The following DLGAP2 variants were observed in gnomAD, a reference collection of about 807,000 sequenced individuals.
DLGAP2 encodes the protein disks large-associated protein 2.
DLGAP2 carries 26 observed loss-of-function variants against 100.3 expected under a neutral mutation model. That is an observed-to-expected ratio of 0.26 (90% CI 0.19 to 0.36). DLGAP2 has a LOEUF of 0.36. Among genes scored for constraint, DLGAP2 ranks in the 10% least tolerant of loss-of-function variants. The pLI is 1.00. For synonymous variants in DLGAP2, 886 were observed against 630.1 expected, an observed-to-expected ratio of 1.41 and a Z score of -6.08; for missense variants, 1,858 against 1,453.2, an observed-to-expected ratio of 1.28 and a Z score of -4.53.
At chr8:1,224,867 T>A (rs1020649749) in intron 2 of DLGAP2, among the ~76,000 whole-genome samples, 1 of 152,076 alleles carries the variant, frequency 6.6e-6, no homozygotes, top group Non-Finnish European at 1.5e-5. Flanking sequence ...GAGATGCGAG[T>A]CAAAACCGCA....
intron 2 of DLGAP2, chr8:1,018,755 C>T (rs1430626182): frequency 6.6e-6 from 1 of 152,226 alleles, no homozygotes; most frequent in African/African-American, 2.4e-5. Context: ...AAAGGAAACA[C>T]ATTTCAGCAG....
chr8:1,695,887 C>T (rs1799385166), intron 13 of DLGAP2, among the ~76,000 whole-genome samples: 1 of 152,238 alleles, frequency 6.6e-6, no homozygotes, highest in Non-Finnish European at 1.5e-5. Flanking sequence ...GTTCGGGCTC[C>T]CAGCCGCTGG....
intron 2 of DLGAP2, among the ~76,000 whole-genome samples, chr8:934,644 G>C (rs1430445709): frequency 6.6e-6 from 1 of 152,124 alleles, no homozygotes; most frequent in African/African-American, 2.4e-5. Flanking sequence ...GGTGGAGGCA[G>C]AGCGGGCACT....
intron 3 of DLGAP2, among the ~76,000 whole-genome samples, chr8:1,491,037 T>A (rs1210424527): frequency 1.2e-4 from 4 of 32,476 alleles, no homozygotes; most frequent in East Asian, 7.6e-4. Flanking sequence ...TAATAAAATT[T>A]AAAAAAATAA....
intron 2 of DLGAP2, among the ~76,000 whole-genome samples, chr8:1,081,854 A>G (rs1356987074): frequency 6.6e-6 from 1 of 152,210 alleles, no homozygotes; most frequent in Non-Finnish European, 1.5e-5. Context: ...TCAAGCAGGC[A>G]TATTCCATCT....
intron 1 of DLGAP2, among the ~76,000 whole-genome samples, chr8:825,276 T>C (rs1473715106): frequency 6.6e-6 from 1 of 152,200 alleles, no homozygotes. Flanking sequence ...GGTTGTGCTG[T>C]TAGATTCTAC....
intron 3 of DLGAP2, among the ~76,000 whole-genome samples, chr8:1,268,429 G>A (rs913059782): frequency 1.3e-5 from 2 of 152,124 alleles, no homozygotes; most frequent in Admixed American, 6.5e-5. Context: ...TTGCAATATT[G>A]AAATAATTGG....
At chr8:842,710 T>G (rs1180050404) in intron 1 of DLGAP2, among the ~76,000 whole-genome samples, 1 of 152,240 alleles carries the variant, frequency 6.6e-6, no homozygotes, top group East Asian at 1.9e-4. Flanking sequence ...TGTCTAATAT[T>G]TGCAACTTCA....
At chr8:1,674,500 C>G (rs1798764442) in intron 10 of DLGAP2, among the ~76,000 whole-genome samples, 1 of 152,186 alleles carries the variant, frequency 6.6e-6, no homozygotes, top group African/African-American at 2.4e-5. Flanking sequence ...ATTTAAGGTC[C>G]TTTGTTTAGG....
In DLGAP2 at chr8:1,628,379, A is replaced by C. The variant is rs187442369; in HGVS notation, c.1590+1492A>C. Among the ~76,000 whole-genome samples, 98 of 139,792 alleles carry C rather than the reference A, an allele frequency of 7.0e-4. 1 individual carries two copies. Among genetic ancestry groups the C allele is most frequent in the African/African-American group, 2.7e-3 (92 of 33,492 alleles). The allele number at this position is 139,792 out of a possible 152,430, so 91.7% of individuals were successfully genotyped here. On this transcript the variant is annotated intron_variant, in intron 7 of 14. Coordinates refer to ENST00000637795, the MANE Select transcript of DLGAP2 (RefSeq NM_001346810.2). ...GATTAAGAGCTTGAGCCAACCTCAC[A>C]TTCTCTCTGACTTACTGTGGAGCAG... is the stretch of plus-strand genomic sequence containing the variant.
intron 2 of DLGAP2, among the ~76,000 whole-genome samples, chr8:1,254,967 C>CCTGCCCGGGTGCTGTGTCTGTGCTCT (rs1563043164): frequency 2.6e-5 from 2 of 77,658 alleles, no homozygotes; most frequent in African/African-American, 1.6e-4. Context: ...TGTGTCCTCT[C>CCTGCCCGGGTGCTGTGTCTGTGCTCT]ATCCTGTCCG....
At chr8:1,576,585 G>A (rs1802987848) in intron 6 of DLGAP2, among the ~76,000 whole-genome samples, 1 of 152,130 alleles carries the variant, frequency 6.6e-6, no homozygotes, top group Admixed American at 6.5e-5. Flanking sequence ...TTTCTTCTAG[G>A]ATTTTTATGG....
intron 10 of DLGAP2, among the ~76,000 whole-genome samples, chr8:1,672,654 G>C (rs1313071553): frequency 6.6e-6 from 1 of 152,222 alleles, no homozygotes; most frequent in East Asian, 1.9e-4. Flanking sequence ...TGATTCTCCA[G>C]GCACACAGGC....
intron 1 of DLGAP2, among the ~76,000 whole-genome samples, chr8:890,871 C>A (rs1269265257): frequency 6.6e-6 from 1 of 152,158 alleles, no homozygotes; most frequent in Non-Finnish European, 1.5e-5. Flanking sequence ...AACCCTGTTG[C>A]ATGGGATGTT....
chr8:1,572,867 G>T (rs952707294), intron 6 of DLGAP2, among the ~76,000 whole-genome samples: 1 of 137,826 alleles, frequency 7.3e-6, no homozygotes, highest in Non-Finnish European at 1.6e-5. Flanking sequence ...TTGAACTGTG[G>T]GGGCATCTGA....
chr8:750,599 AC>A (rs1374682899), intron 1 of DLGAP2, among the ~76,000 whole-genome samples: 2 of 152,230 alleles, frequency 1.3e-5, no homozygotes, highest in African/African-American at 4.8e-5. Flanking sequence ...TTTAAAAACT[AC>A]AAGTGAGCTA....
chr8:750,309 C>G (rs1314352146), intron 1 of DLGAP2, among the ~76,000 whole-genome samples: 1 of 152,120 alleles, frequency 6.6e-6, no homozygotes, highest in Non-Finnish European at 1.5e-5. Flanking sequence ...AGAGTGGGCT[C>G]AGGGAGGACG....
At chr8:768,400 C>G (rs1415178849) in intron 1 of DLGAP2, among the ~76,000 whole-genome samples, 13 of 150,994 alleles carry the variant, frequency 8.6e-5, no homozygotes, top group Admixed American at 8.6e-4. Context: ...TCAGCATGAA[C>G]CAGGAGGGAA....
chr8:1,515,502 A>G (rs933718959), intron 4 of DLGAP2, among the ~76,000 whole-genome samples: 1 of 152,184 alleles, frequency 6.6e-6, no homozygotes, highest in Non-Finnish European at 1.5e-5. Flanking sequence ...AAATGTGCAC[A>G]CACACACACA....
Sources: gnomAD v4.1 joint callset for allele counts (sites outside exome capture counted in the v4.1 genomes callset) on GRCh38, gnomAD v4.1.1 for gene constraint, MANE v1.5 for transcripts, NCBI Gene and HGNC (gene_info 2026-07-23, HGNC 2026-07-21) for gene names.